The following FAM168A variants were observed in gnomAD, a reference collection of about 807,000 sequenced individuals.
The protein encoded by FAM168A is family with sequence similarity 168 member A.
In FAM168A, 3 loss-of-function variants were observed where a neutral mutation model predicts 28.5. The ratio of observed to expected loss-of-function variants is 0.11; its 90% CI spans 0.05 to 0.27. The LOEUF is 0.27. Among genes scored for constraint, FAM168A ranks in the 10% least tolerant of loss-of-function variants. The pLI is 1.00. For missense variants in FAM168A, 222 were observed against 311.5 expected, an observed-to-expected ratio of 0.71 and a Z score of 2.16; for synonymous variants, 122 against 124.2, an observed-to-expected ratio of 0.98 and a Z score of 0.12.
chr11:73,477,323 C>T (rs935220662), intron 1 of FAM168A, among the ~76,000 whole-genome samples: 1 of 151,902 alleles, frequency 6.6e-6, no homozygotes, highest in Non-Finnish European at 1.5e-5. Context: ...ACGCAATTTA[C>T]CCACGTAACA....
chr11:73,443,210 T>C lies in FAM168A; in HGVS notation c.71-12440A>G, dbSNP rs183346225. On this transcript the variant is annotated intron_variant, in intron 2 of 7. Transcript: ENST00000356467. ...CAAAAATCCATGCTTTTTAGAATTA[T>C]GTATACATTAAATGTTAATACTTGA... 9.9e-5 allele frequency among the ~76,000 whole-genome samples: 15 copies of C among 152,100 alleles called. 1 individual carries two copies. In the East Asian group the frequency reaches 1.2e-3, roughly 12 times the overall value.
At chr11:73,508,925 C>T (rs2134634605) in intron 1 of FAM168A, among the ~76,000 whole-genome samples, 1 of 152,272 alleles carries the variant, frequency 6.6e-6, no homozygotes. Context: ...TGCATTAAAA[C>T]ATAATGATGG....
rs370476017 is a variant in FAM168A, at chr11:73,419,899, A to G, written c.252T>C (p.Thr84=). The G allele has an allele frequency of 6.2e-7, 1 of 1,614,078 alleles. No individual in the cohort carries two copies. The highest frequency in any genetic ancestry group is 8.5e-7 in the Non-Finnish European group (1 of 1,179,978). Residue 84 remains threonine (T), a synonymous_variant, in exon 4 of 8, where the codon ACT becomes ACC. Coordinates refer to ENST00000356467, the MANE Select transcript of FAM168A (RefSeq NM_015159.3). ...TGAAAGCCGCAGAGGATGCTTGGTAAGTTCGGTTCTCGGTCCCGGTGTCCA... is the reference window on the plus strand; with the variant it reads ...TGAAAGCCGCAGAGGATGCTTGGTAGGTTCGGTTCTCGGTCCCGGTGTCCA... ...LPVDTGTENR[T]YQASSAAFRY...
intron 1 of FAM168A, among the ~76,000 whole-genome samples, chr11:73,545,683 C>CTTTTTTT (rs966309670): frequency 2.1e-4 from 22 of 105,158 alleles, no homozygotes; most frequent in South Asian, 2.9e-4. Flanking sequence ...ATACTATATA[C>CTTTTTTT]TTTTTTTTTT....
intron 1 of FAM168A, among the ~76,000 whole-genome samples, chr11:73,573,288 C>T (rs1341862557): frequency 2.6e-5 from 4 of 152,196 alleles, no homozygotes; most frequent in East Asian, 1.9e-4. Context: ...GTCATCATGA[C>T]GGAAGCTACA....
chr11:73,541,132 G>A (rs181968385), intron 1 of FAM168A, among the ~76,000 whole-genome samples: 143 of 152,066 alleles, frequency 9.4e-4, no homozygotes, highest in African/African-American at 3.2e-3. Context: ...CTGAACCTGC[G>A]AGGTGGAGGT....
chr11:73,488,817 CACATAAAATAAAT>C (rs1235948950), intron 1 of FAM168A, among the ~76,000 whole-genome samples: 3 of 152,148 alleles, frequency 2.0e-5, no homozygotes, highest in Non-Finnish European at 4.4e-5. Context: ...TTACTTGTCT[CACATAAAATAAAT>C]ACATAAAATA....
intron 1 of FAM168A, among the ~76,000 whole-genome samples, chr11:73,532,705 G>A (rs1943528827): frequency 6.6e-6 from 1 of 152,244 alleles, no homozygotes; most frequent in East Asian, 1.9e-4. Flanking sequence ...GTTTACTACA[G>A]TTCAAACCAT....
At chr11:73,529,489 C>T (rs547170299) in intron 1 of FAM168A, among the ~76,000 whole-genome samples, 2 of 152,256 alleles carry the variant, frequency 1.3e-5, no homozygotes, top group South Asian at 4.1e-4. Flanking sequence ...AAGCACCTAC[C>T]CTAGATTTCA....
At chr11:73,412,550 T>C (rs1478188570) in intron 4 of FAM168A, among the ~76,000 whole-genome samples, 1 of 152,172 alleles carries the variant, frequency 6.6e-6, no homozygotes, top group Non-Finnish European at 1.5e-5. Context: ...CCTTTTAGAA[T>C]CACAAAATGG....
At chr11:73,527,294 C>A (rs1293289174) in intron 1 of FAM168A, among the ~76,000 whole-genome samples, 2 of 152,004 alleles carry the variant, frequency 1.3e-5, no homozygotes, top group Non-Finnish European at 2.9e-5. Flanking sequence ...TAAAACTGCC[C>A]CTAAAGGAAA....
chr11:73,544,821 A>T (rs1214888219), intron 1 of FAM168A, among the ~76,000 whole-genome samples: 16 of 101,922 alleles, frequency 1.6e-4, no homozygotes, highest in African/African-American at 7.0e-4. Flanking sequence ...ATATATAATA[A>T]ATTTATTATA....
At chr11:73,536,164 T>C (rs1359325185) in intron 1 of FAM168A, among the ~76,000 whole-genome samples, 1 of 152,146 alleles carries the variant, frequency 6.6e-6, no homozygotes, top group Non-Finnish European at 1.5e-5. Flanking sequence ...AAACTTCTAA[T>C]CAGCTTTTTA....
At chr11:73,520,036 A>G (rs1943356279) in intron 1 of FAM168A, among the ~76,000 whole-genome samples, 3 of 151,724 alleles carry the variant, frequency 2.0e-5, no homozygotes. Flanking sequence ...TCTTAAAATT[A>G]TAATTTTATT....
chr11:73,463,986 A>G (rs1246361633), intron 2 of FAM168A, among the ~76,000 whole-genome samples: 2 of 152,154 alleles, frequency 1.3e-5, no homozygotes, highest in Non-Finnish European at 2.9e-5. Context: ...GAGTTGTGAG[A>G]ACAGTTTCAG....
At chr11:73,461,229 A>G (rs1230979147) in intron 2 of FAM168A, among the ~76,000 whole-genome samples, 1 of 152,026 alleles carries the variant, frequency 6.6e-6, no homozygotes, top group Non-Finnish European at 1.5e-5. Flanking sequence ...TGACCCTCCC[A>G]ACTCAGCCTC....
chr11:73,468,070 T>G (rs969142598), intron 2 of FAM168A, among the ~76,000 whole-genome samples: 1 of 152,216 alleles, frequency 6.6e-6, no homozygotes, highest in Admixed American at 6.5e-5. Context: ...TAGCATTTTT[T>G]AAAAAAATTA....
intron 1 of FAM168A, among the ~76,000 whole-genome samples, chr11:73,544,679 T>C (rs1255618169): frequency 7.9e-6 from 1 of 126,030 alleles, no homozygotes; most frequent in Admixed American, 9.5e-5. Context: ...TATAATTATA[T>C]ATAATTATAT....
rs147362682 is a variant in FAM168A, at chr11:73,404,099, A to G, written c.*2664T>C. 4.3e-4 allele frequency: 65 copies of G among 152,372 alleles called. No individual in the cohort carries two copies. Among genetic ancestry groups the G allele is most frequent in the African/African-American group, 1.4e-3 (58 of 41,580 alleles). The allele number at this position is 152,372 out of a possible 1,614,324, so 9.4% of individuals were successfully genotyped here. A position where few individuals can be genotyped will look rare whatever the true frequency, so the allele number is the denominator to read the frequency against. The stretch of plus-strand genomic sequence containing the variant: ...CCTCTATTTCATCGGGTTAAACCAG[A>G]TAATTTATGTTCAACTGTTCTGTGA... On this transcript the variant is annotated 3_prime_UTR_variant, in exon 8 of 8. Coordinates refer to ENST00000356467, the MANE Select transcript of FAM168A (RefSeq NM_015159.3).
Sources: allele counts gnomAD v4.1 joint callset (sites outside exome capture counted in the v4.1 genomes callset), GRCh38; gene constraint gnomAD v4.1.1; transcripts MANE v1.5; gene names NCBI Gene and HGNC (gene_info 2026-07-23, HGNC 2026-07-21).